The following TTLL11 variants were observed in gnomAD, a reference collection of about 807,000 sequenced individuals.
TTLL11 encodes the protein tubulin polyglutamylase TTLL11.
A neutral mutation model predicts 51.7 loss-of-function variants in TTLL11; 42 were observed. The ratio of observed to expected loss-of-function variants is 0.81; its 90% CI spans 0.64 to 1.05. The LOEUF is 1.05. Ranked by LOEUF, TTLL11 falls within the 50% of genes least tolerant of loss-of-function variation. The pLI, the probability that TTLL11 is intolerant of heterozygous loss-of-function variation, is 0.00. For missense variants in TTLL11, 799 were observed against 940.4 expected (o/e 0.85, Z 1.97); for synonymous variants, 381 against 383.5 (o/e 0.99, Z 0.08).
At chr9:121,958,029 A>T (rs1842076796) in intron 6 of TTLL11, among the ~76,000 whole-genome samples, 1 of 152,250 alleles carries the variant, frequency 6.6e-6, no homozygotes. Context: ...GTAGGAACTC[A>T]ATAGCTACTT....
intron 8 of TTLL11, among the ~76,000 whole-genome samples, chr9:121,832,026 C>T (rs2119125611): frequency 6.6e-6 from 1 of 152,272 alleles, no homozygotes; most frequent in East Asian, 1.9e-4. Flanking sequence ...GCAGATTGGG[C>T]TCTCTGGTGT....
chr9:122,074,148 CATATA>C (rs1443287348), intron 1 of TTLL11, among the ~76,000 whole-genome samples: 5 of 151,976 alleles, frequency 3.3e-5, no homozygotes, highest in Non-Finnish European at 5.9e-5. Context: ...GTGGTGCGCA[CATATA>C]ATACCAGCAA....
intron 6 of TTLL11, among the ~76,000 whole-genome samples, chr9:121,940,440 C>T (rs1447541330): frequency 3.3e-5 from 5 of 151,890 alleles, no homozygotes; most frequent in African/African-American, 1.2e-4. Flanking sequence ...CAGGTTCAAG[C>T]GATTCTCCTG....
intron 6 of TTLL11, among the ~76,000 whole-genome samples, chr9:121,880,378 A>G (rs1353158127): frequency 6.6e-6 from 1 of 152,118 alleles, no homozygotes; most frequent in East Asian, 1.9e-4. Context: ...GATCCACTAG[A>G]AAAACAGCCA....
chr9:122,029,511 T>C (rs1289264862), intron 3 of TTLL11, among the ~76,000 whole-genome samples: 1 of 152,082 alleles, frequency 6.6e-6, no homozygotes, highest in Non-Finnish European at 1.5e-5. Flanking sequence ...ATTCTAAAAG[T>C]AAAAATAATT....
In TTLL11 at chr9:121,887,991, G is replaced by C. The variant is rs576207849; in HGVS notation, c.1482-17243C>G. On this transcript the variant is annotated intron_variant, in intron 6 of 8. Coordinates refer to ENST00000321582, the MANE Select transcript of TTLL11 (RefSeq NM_001139442.2). ...GCCCAGTTAGCCTGAAGCTGCCCTG[G>C]CTATTGGAACCTCCACTCTTAAACC... Among the ~76,000 whole-genome samples, 29 of 152,244 alleles carry C rather than the reference G, an allele frequency of 1.9e-4. 2 individuals carry two copies. In the South Asian group the frequency reaches 6.0e-3, roughly 32 times the overall value.
At chr9:121,937,173 T>C (rs1270743836) in intron 6 of TTLL11, among the ~76,000 whole-genome samples, 2 of 152,206 alleles carry the variant, frequency 1.3e-5, no homozygotes, top group Admixed American at 6.5e-5. Flanking sequence ...GTAACAATAA[T>C]CTATCTCGTA....
chr9:121,875,260 G>A (rs1838524480), intron 6 of TTLL11, among the ~76,000 whole-genome samples: 1 of 152,206 alleles, frequency 6.6e-6, no homozygotes, highest in African/African-American at 2.4e-5. Flanking sequence ...CTTAGCTGGG[G>A]TTGCCCTGGT....
Position 121,974,010 on chromosome 9 carries a change from G to A in TTLL11, c.1480C>T (p.Gln494Ter). ...TGAATGACATAAAAAAGTACTTACT[G>A]ATTCTCTCTTTTCTTCTTAAGTGGG... ...MDPLKKKRENQSQQLEKPFAG... is the reference protein window; with the variant it reads ...MDPLKKKREN Residue 494 changes from glutamine (Q) to a stop codon, truncating the protein, a stop_gained and splice_region_variant, in exon 6 of 9, where the codon CAG (glutamine) becomes TAG (stop). Transcript: ENST00000321582. LOFTEE classifies it high-confidence loss of function. 1 of 1,550,462 alleles carries A rather than the reference G, an allele frequency of 6.4e-7. No individual in the cohort carries two copies. Among genetic ancestry groups the A allele is most frequent in the Non-Finnish European group, 8.7e-7 (1 of 1,145,872 alleles).
At chr9:122,040,950 G>A (rs1277639175) in intron 1 of TTLL11, among the ~76,000 whole-genome samples, 2 of 152,196 alleles carry the variant, frequency 1.3e-5, no homozygotes, top group Non-Finnish European at 1.5e-5. Flanking sequence ...TATAGAGAAG[G>A]AGAAAATAAC....
intron 6 of TTLL11, among the ~76,000 whole-genome samples, chr9:121,946,060 T>C (rs1412509152): frequency 2.0e-5 from 3 of 152,220 alleles, no homozygotes. Context: ...GCTCACAGGA[T>C]GTTTAAACCA....
chr9:122,002,567 G>T (rs893990977), intron 3 of TTLL11, among the ~76,000 whole-genome samples: 8 of 152,136 alleles, frequency 5.3e-5, no homozygotes, highest in Admixed American at 3.3e-4. Context: ...GCATGACAAA[G>T]CTCTTTAGTT....
rs188596935 is a variant in TTLL11, at chr9:121,897,483, C to T, written c.1482-26735G>A. On this transcript the variant is annotated intron_variant, in intron 6 of 8. Transcript: ENST00000321582. ...GCCTCATCAGTGCTCCGGCCATCAT[C>T]TCTGCGATGACTCCAGATTGATCTA... Among the ~76,000 whole-genome samples, 461 of 152,234 alleles carry T rather than the reference C, an allele frequency of 3.0e-3. 3 individuals carry two copies. The highest frequency in any genetic ancestry group is 0.011 in the African/African-American group (443 of 41,536).
intron 4 of TTLL11, among the ~76,000 whole-genome samples, chr9:121,987,240 G>A (rs1231886814): frequency 6.6e-6 from 1 of 152,140 alleles, no homozygotes; most frequent in Non-Finnish European, 1.5e-5. Flanking sequence ...TGGGAGGAAG[G>A]TTTGAGATAA....
intron 3 of TTLL11, among the ~76,000 whole-genome samples, chr9:122,025,265 T>G (rs1195363772): frequency 6.6e-6 from 1 of 152,182 alleles, no homozygotes; most frequent in African/African-American, 2.4e-5. Flanking sequence ...CTTTAGGAAG[T>G]GCAAAATACA....
chr9:122,011,230 T>C (rs1843782423), intron 3 of TTLL11, among the ~76,000 whole-genome samples: 1 of 152,152 alleles, frequency 6.6e-6, no homozygotes, highest in African/African-American at 2.4e-5. Flanking sequence ...CCCAGACACA[T>C]GGAACTATGA....
chr9:121,919,430 CAAGGGTAGAATAAAAACAG>C (rs369154518), intron 6 of TTLL11, among the ~76,000 whole-genome samples: 3 of 152,018 alleles, frequency 2.0e-5, no homozygotes, highest in African/African-American at 7.2e-5. Flanking sequence ...AAAGGAAGAG[CAAGGGTAGAATAAAAACAG>C]AAGGTTAAAG....
intron 6 of TTLL11, among the ~76,000 whole-genome samples, chr9:121,905,354 CTTTT>C (rs901939789): frequency 6.9e-6 from 1 of 144,110 alleles, no homozygotes; most frequent in African/African-American, 2.5e-5. Context: ...TTACATTTAA[CTTTT>C]TTTTTTTTTT....
chr9:121,871,510 T>C (rs928717775), intron 6 of TTLL11, among the ~76,000 whole-genome samples: 1 of 152,162 alleles, frequency 6.6e-6, no homozygotes. Context: ...TCTGCCTCCT[T>C]AGTCCTGAAG....
Sources: allele counts gnomAD v4.1 joint callset (sites outside exome capture counted in the v4.1 genomes callset), GRCh38; gene constraint gnomAD v4.1.1; transcripts MANE v1.5; gene names NCBI Gene and HGNC (gene_info 2026-07-23, HGNC 2026-07-21).